FGF14: variants seen among roughly 807,000 people sequenced by gnomAD.
FGF14 encodes fibroblast growth factor homologous factor 4.
Under a neutral mutation model 25.5 loss-of-function variants are expected in FGF14, and 5 were observed. That is an observed-to-expected ratio of 0.20 (90% confidence interval 0.10 to 0.41). The LOEUF is 0.41. FGF14 is among the 10% of genes least tolerant of loss of function. FGF14 has a pLI of 1.00. For missense variants in FGF14, 222 were observed against 320.1 expected (o/e 0.69, Z 2.34); for synonymous variants, 138 against 118.3 (o/e 1.17, Z -1.08).
At chr13:102,261,787 G>GAAGAA (rs1313296777) in intron 1 of FGF14, among the ~76,000 whole-genome samples, 2 of 152,130 alleles carry the variant, frequency 1.3e-5, no homozygotes, top group African/African-American at 2.4e-5. Context: ...TTTAAATAAA[G>GAAGAA]AAGAAAATAT....
At chr13:102,247,430 C>A (rs1337707656) in intron 1 of FGF14, among the ~76,000 whole-genome samples, 1 of 151,720 alleles carries the variant, frequency 6.6e-6, no homozygotes, top group Non-Finnish European at 1.5e-5. Context: ...GGGCAAAGAA[C>A]ATGAACAGGC....
intron 3 of FGF14, among the ~76,000 whole-genome samples, chr13:101,818,116 G>C (rs1252808788): frequency 6.6e-6 from 1 of 152,178 alleles, no homozygotes; most frequent in African/African-American, 2.4e-5. Context: ...CTAACAGAGG[G>C]AGAAATACCT....
At chr13:101,756,617 C>T (rs865993825) in intron 3 of FGF14, among the ~76,000 whole-genome samples, 3 of 152,134 alleles carry the variant, frequency 2.0e-5, no homozygotes, top group Non-Finnish European at 2.9e-5. Flanking sequence ...CCTGTAATCC[C>T]AGCTACTGGG....
At chr13:101,881,797 G>A (rs2045725097) in intron 1 of FGF14, among the ~76,000 whole-genome samples, 1 of 152,144 alleles carries the variant, frequency 6.6e-6, no homozygotes, top group African/African-American at 2.4e-5. Flanking sequence ...TGCCGGCTGT[G>A]GCACTGACAG....
At chr13:102,055,721 T>G (rs1448741855) in intron 1 of FGF14, among the ~76,000 whole-genome samples, 3 of 152,210 alleles carry the variant, frequency 2.0e-5, no homozygotes, top group Non-Finnish European at 4.4e-5. Flanking sequence ...CCACACCTCT[T>G]TGGGCCAGAC....
chr13:102,112,503 T>C (rs1298617631), intron 1 of FGF14, among the ~76,000 whole-genome samples: 5 of 152,240 alleles, frequency 3.3e-5, no homozygotes, highest in Non-Finnish European at 7.3e-5. Flanking sequence ...TTGAAAGGTA[T>C]ATTTACTCTC....
rs760759445 is a variant in FGF14 at position 101,711,388 on chromosome 13, C to T, written c.*11443G>A. ...ACACACACACTCACCCACCCACAACCTGTCCCACATCCCCAGAAAAGAGAA... is the reference window on the plus strand; with the variant it reads ...ACACACACACTCACCCACCCACAACTTGTCCCACATCCCCAGAAAAGAGAA... On this transcript the variant is annotated 3_prime_UTR_variant, in exon 5 of 5. Transcript: ENST00000376143. The T allele has an allele frequency of 6.6e-6, 1 of 152,402 alleles. No individual in the cohort carries two copies. Among genetic ancestry groups the T allele is most frequent in the Non-Finnish European group, 1.5e-5 (1 of 68,080 alleles). The allele number at this position is 152,402 out of a possible 1,614,324, so 9.4% of individuals were successfully genotyped here. A position where few individuals can be genotyped will look rare whatever the true frequency, so the allele number is the denominator to read the frequency against.
In FGF14 at chr13:102,267,671, T is replaced by C. The variant is rs931882281; in HGVS notation, c.208+133800A>G. 2.6e-5 allele frequency among the ~76,000 whole-genome samples: 4 copies of C among 152,260 alleles called. 1 individual carries two copies. ...CTCTATAAAGGATGACTGCTAGTGC[T>C]AGATCAATATAAATGAAAAATTAGA... On this transcript the variant is annotated intron_variant, in intron 1 of 4. Transcript: ENST00000376131.
At chr13:101,872,132 G>A (rs1300113776) in intron 2 of FGF14, among the ~76,000 whole-genome samples, 2 of 151,684 alleles carry the variant, frequency 1.3e-5, no homozygotes. Flanking sequence ...GAAAGTTCAA[G>A]CCCTCAATTT....
intron 1 of FGF14, among the ~76,000 whole-genome samples, chr13:102,207,930 A>T (rs1034589282): frequency 1.3e-5 from 2 of 152,202 alleles, no homozygotes; most frequent in African/African-American, 4.8e-5. Flanking sequence ...TCATAAATCT[A>T]CAGAGTTCAC....
At chr13:102,398,990 T>C (rs2058642318) in intron 1 of FGF14, among the ~76,000 whole-genome samples, 1 of 151,806 alleles carries the variant, frequency 6.6e-6, no homozygotes, top group African/African-American at 2.4e-5. Flanking sequence ...TAGTTGGTAA[T>C]GTTCTTAGAT....
intron 1 of FGF14, among the ~76,000 whole-genome samples, chr13:102,275,530 T>G (rs1186492938): frequency 6.6e-6 from 1 of 152,160 alleles, no homozygotes; most frequent in Non-Finnish European, 1.5e-5. Context: ...AAAGTAAAGA[T>G]CCAAGTATTC....
intron 1 of FGF14, among the ~76,000 whole-genome samples, chr13:102,085,653 A>G (rs1337117832): frequency 6.6e-6 from 1 of 152,228 alleles, no homozygotes; most frequent in Admixed American, 6.5e-5. Flanking sequence ...TGGGGAGTTA[A>G]TAACTTATTT....
intron 1 of FGF14, among the ~76,000 whole-genome samples, chr13:102,033,495 A>ATG (rs1566598482): frequency 2.1e-5 from 3 of 145,912 alleles, no homozygotes; most frequent in African/African-American, 8.4e-5. Context: ...TTGCGTGTGC[A>ATG]CGCACACACA....
At chr13:102,221,582 T>G (rs754606081) in intron 1 of FGF14, among the ~76,000 whole-genome samples, 4 of 151,440 alleles carry the variant, frequency 2.6e-5, no homozygotes, top group Non-Finnish European at 5.9e-5. Context: ...AATATATGTT[T>G]GAGGGCTGGG....
chr13:101,733,080 G>C (rs191890490), intron 3 of FGF14, among the ~76,000 whole-genome samples: 1 of 152,054 alleles, frequency 6.6e-6, no homozygotes, highest in South Asian at 2.1e-4. Context: ...AAAGAATATC[G>C]TGAACTTTTA....
At chr13:101,823,166 G>A (rs6650290) in intron 3 of FGF14, among the ~76,000 whole-genome samples, 5,992 of 151,934 alleles carry the variant, frequency 0.039, 163 homozygotes, top group Non-Finnish European at 0.05. Flanking sequence ...TGCTATAAAC[G>A]TTTGAATACA....
chr13:101,908,640 A>G (rs1448467063), intron 1 of FGF14, among the ~76,000 whole-genome samples: 3 of 152,208 alleles, frequency 2.0e-5, no homozygotes, highest in Non-Finnish European at 4.4e-5. Flanking sequence ...AGGAAGAATC[A>G]ATATCATGAA....
intron 1 of FGF14, among the ~76,000 whole-genome samples, chr13:102,161,149 T>C (rs557230553): frequency 1.3e-5 from 2 of 152,312 alleles, no homozygotes; most frequent in African/African-American, 2.4e-5. Flanking sequence ...GGATCATTAA[T>C]GTGAAAATAT....
Sources: allele counts gnomAD v4.1 joint callset (sites outside exome capture counted in the v4.1 genomes callset), GRCh38; gene constraint gnomAD v4.1.1; transcripts MANE v1.5; gene names NCBI Gene and HGNC (gene_info 2026-07-23, HGNC 2026-07-21).